The following USH2A variants were observed in gnomAD, a reference collection of about 807,000 sequenced individuals.
USH2A encodes Usher syndrome 2A (autosomal recessive, mild).
A neutral mutation model predicts 538.9 loss-of-function variants in USH2A; 443 were observed. That is an observed-to-expected ratio of 0.82 (90% CI 0.76 to 0.89). The LOEUF is 0.89. USH2A is among the 40% of genes least tolerant of loss of function. USH2A has a pLI of 0.00. For missense variants in USH2A, 6,633 were observed against 6,324.8 expected, an observed-to-expected ratio of 1.05 and a Z score of -1.65; for synonymous variants, 2,413 against 2,273.5, an observed-to-expected ratio of 1.06 and a Z score of -1.75.
rs753959432 is a variant in USH2A, at chr1:216,070,190, T to C, written c.5960A>G (p.Tyr1987Cys). 6.2e-7 allele frequency: 1 copy of C among 1,614,026 alleles called. No individual in the cohort carries two copies. The highest frequency in any genetic ancestry group is 8.5e-7 in the Non-Finnish European group (1 of 1,179,948). ...EPVVRGVIEK[Y>C]ILKAYSEDST... ...GTCCTCACTATAGGCTTTCAGAATG[T>C]ACTTCTCAATTACACCTCTGACAAC... Residue 1987 changes from tyrosine (Y) to cysteine (C), a missense_variant, in exon 30 of 72, where the codon TAC becomes TGC. Physicochemically the swap from Tyr to Cys is radical, Grantham distance 194. Coordinates refer to ENST00000307340, the MANE Select transcript of USH2A (RefSeq NM_206933.4).
chr1:215,960,890 G>A (rs143650551), intron 37 of USH2A, among the ~76,000 whole-genome samples: 164 of 152,088 alleles, frequency 1.1e-3, no homozygotes, highest in African/African-American at 3.7e-3. Context: ...ACACCATCTA[G>A]TTTCTTTCCT....
chr1:216,130,442 G>A (rs1393834930), intron 21 of USH2A, among the ~76,000 whole-genome samples: 3 of 150,452 alleles, frequency 2.0e-5, no homozygotes, highest in Non-Finnish European at 4.4e-5. Flanking sequence ...GCTTCACTTA[G>A]GATAATAATC....
In USH2A at chr1:215,738,796, C is replaced by T. The variant is rs142783132; in HGVS notation, c.11711+2579G>A. Among the ~76,000 whole-genome samples, 1,150 of 151,766 alleles carry T rather than the reference C, an allele frequency of 7.6e-3. 21 individuals carry two copies. The highest frequency in any genetic ancestry group is 0.026 in the African/African-American group (1,079 of 41,404). On this transcript the variant is annotated intron_variant, in intron 60 of 71. Transcript: ENST00000307340. ...GAGCTAAATGTACTTCCTTTGGTGCCGATAGAAGAAAGAGAAGGCCAATGA... is the reference window on the plus strand; with the variant it reads ...GAGCTAAATGTACTTCCTTTGGTGCTGATAGAAGAAAGAGAAGGCCAATGA...
In USH2A at chr1:215,836,529, TATATATATATATAA is replaced by T; in HGVS notation, c.9371+1448_9371+1461del. Among the ~76,000 whole-genome samples, 3 of 26,304 alleles carry T rather than the reference TATATATATATATAA, an allele frequency of 1.1e-4. 1 individual carries two copies. The highest frequency in any genetic ancestry group is 1.9e-4 in the Non-Finnish European group (3 of 15,838). 17.3% of individuals were successfully genotyped at this position (26,304 alleles called of 152,430 possible). On this transcript the variant is annotated intron_variant, in intron 47 of 71. Transcript: ENST00000307340. ...TATTATATATATATAATATATATTATATATATATATATAATATATATATATATATATATATATTT... is the reference window on the plus strand; with the variant it reads ...TATTATATATATATAATATATATTATTATATATATATATATATATATATTT...
chr1:216,095,662 G>T (rs1415397624), intron 22 of USH2A, among the ~76,000 whole-genome samples: 1 of 152,192 alleles, frequency 6.6e-6, no homozygotes, highest in African/African-American at 2.4e-5. Flanking sequence ...GTCATGAGGA[G>T]GGAGCCTTTC....
rs763649865 is a variant in USH2A at position 215,998,946 on chromosome 1, A to G, written c.6598T>C (p.Phe2200Leu). ...ACGTATTGTAGCATATGATCCTGGA[A>G]AAGTTCTGTACTGTTATAGATGACA... ...WSVIYNSTEL[F>L]QDHMLQYVLP... The change falls in exon 34 of 72, where the codon TTC becomes CTC. Residue 2200 changes from phenylalanine to leucine, a missense_variant. Physicochemically the swap from Phe to Leu is conservative, Grantham distance 22. Transcript: ENST00000307340. 5.0e-6 allele frequency: 8 copies of G among 1,613,460 alleles called. No individual in the cohort carries two copies. Among genetic ancestry groups the G allele is most frequent in the Middle Eastern group, 1.7e-4 (1 of 6,054 alleles).
intron 11 of USH2A, among the ~76,000 whole-genome samples, chr1:216,282,258 T>G (rs1367405556): frequency 2.0e-5 from 3 of 152,210 alleles, no homozygotes; most frequent in Non-Finnish European, 2.9e-5. Context: ...TTTTATCTTC[T>G]GTTTCTTAGG....
intron 61 of USH2A, among the ~76,000 whole-genome samples, chr1:215,698,745 T>G (rs539088110): frequency 6.6e-6 from 1 of 152,246 alleles, no homozygotes; most frequent in Non-Finnish European, 1.5e-5. Flanking sequence ...ATGGATAGGT[T>G]GCAAAAATTT....
At position 216,079,769 on chromosome 1, in the gene USH2A, C is replaced by T. The variant is rs924604990; in HGVS notation, c.5299-1407G>A. Among the ~76,000 whole-genome samples, 5 of 152,024 alleles carry T rather than the reference C, an allele frequency of 3.3e-5. No individual in the cohort carries two copies. The East Asian group carries it at 5.8e-4, about 18-fold the overall frequency. On this transcript the variant is annotated intron_variant, in intron 26 of 71. Coordinates refer to ENST00000307340, the MANE Select transcript of USH2A (RefSeq NM_206933.4). ...AATCTCGACTAGAATTCAGGAAATG[C>T]ATTAGGAAATCCATTTAATTGTGAA...
intron 14 of USH2A, among the ~76,000 whole-genome samples, chr1:216,231,654 T>A (rs2035696740): frequency 6.6e-6 from 1 of 151,936 alleles, no homozygotes. Context: ...TTCAAGCGAT[T>A]CTTCTGCCTC....
chr1:215,941,086 A>G (rs1391790366), intron 37 of USH2A, among the ~76,000 whole-genome samples: 1 of 152,160 alleles, frequency 6.6e-6, no homozygotes, highest in African/African-American at 2.4e-5. Flanking sequence ...TATGTACCAC[A>G]GTCAGATTTT....
intron 35 of USH2A, among the ~76,000 whole-genome samples, chr1:215,981,216 T>A (rs1667745282): frequency 6.6e-6 from 1 of 152,136 alleles, no homozygotes; most frequent in Non-Finnish European, 1.5e-5. Flanking sequence ...TATCAGACAT[T>A]TAATTTTTCT....
At chr1:216,048,989 C>T (rs2030642901) in intron 30 of USH2A, among the ~76,000 whole-genome samples, 1 of 152,170 alleles carries the variant, frequency 6.6e-6, no homozygotes, top group Non-Finnish European at 1.5e-5. Context: ...TTATCTCATT[C>T]CAGGATCCTA....
At chr1:216,176,018 C>T (rs1288342825) in intron 20 of USH2A, among the ~76,000 whole-genome samples, 1 of 152,208 alleles carries the variant, frequency 6.6e-6, no homozygotes, top group Non-Finnish European at 1.5e-5. Flanking sequence ...AAAGAGGCAT[C>T]AACTCCGTGC....
At chr1:216,410,392 G>T (rs183081879) in intron 3 of USH2A, among the ~76,000 whole-genome samples, 5 of 151,754 alleles carry the variant, frequency 3.3e-5, no homozygotes, top group Non-Finnish European at 5.9e-5. Flanking sequence ...TCATAAAGAC[G>T]CATGCACATG....
At chr1:215,897,686 C>T (rs577313885) in intron 40 of USH2A, among the ~76,000 whole-genome samples, 38 of 141,644 alleles carry the variant, frequency 2.7e-4, no homozygotes, top group African/African-American at 1.0e-3. Flanking sequence ...GAAACGCTGT[C>T]TCAAAAAATG....
rs753823008 is a variant in USH2A at position 215,674,488 on chromosome 1, T to C, written c.13423A>G (p.Arg4475Gly). The C allele has an allele frequency of 1.3e-5, 21 of 1,614,088 alleles. No homozygotes were observed. The African/African-American group carries it at 2.3e-4, about 17-fold the overall frequency. The change falls in exon 63 of 72, where the codon AGA becomes GGA. Residue 4475 changes from arginine to glycine, a missense_variant. Coordinates refer to ENST00000307340, the MANE Select transcript of USH2A (RefSeq NM_206933.4). ...KPPRNPNGQI[R>G]SYELRRDGTI... ...CCATCCCTCCTAAGTTCATAACTTC[T>C]GATCTGGCCATTTGGGTTTCTTGGA...
intron 63 of USH2A, among the ~76,000 whole-genome samples, chr1:215,672,921 A>G (rs960077141): frequency 6.6e-6 from 1 of 152,212 alleles, no homozygotes; most frequent in Non-Finnish European, 1.5e-5. Flanking sequence ...TCATGCCTGG[A>G]CAAACTCTTT....
In USH2A at chr1:216,292,170, C is replaced by T; in HGVS notation, c.1840+5G>A. On this transcript the variant is annotated splice_donor_5th_base_variant and intron_variant, in intron 10 of 71. Coordinates refer to ENST00000307340, the MANE Select transcript of USH2A (RefSeq NM_206933.4). ...AACCAACTCAGGAATTTATTTGCTA[C>T]TTACCTGTAGTGTTATGCTCACAAT... 6.2e-7 allele frequency: 1 copy of T among 1,613,948 alleles called. No individual in the cohort carries two copies. The highest frequency in any genetic ancestry group is 8.5e-7 in the Non-Finnish European group (1 of 1,179,896).
Sources: allele counts gnomAD v4.1 joint callset (sites outside exome capture counted in the v4.1 genomes callset), GRCh38; gene constraint gnomAD v4.1.1; transcripts MANE v1.5; gene names NCBI Gene and HGNC (gene_info 2026-07-23, HGNC 2026-07-21).